CRISP2: variants seen among roughly 807,000 people sequenced by gnomAD.
The protein encoded by CRISP2 is cysteine-rich secretory protein 2.
A neutral mutation model predicts 31.7 loss-of-function variants in CRISP2; 29 were observed. The ratio of observed to expected loss-of-function variants is 0.92; its 90% CI spans 0.68 to 1.25. CRISP2 has a LOEUF of 1.25. Among genes scored for constraint, CRISP2 ranks in the 50% most tolerant of loss-of-function variants. The pLI is 0.00. For missense variants in CRISP2, 318 were observed against 286.5 expected (o/e 1.11, Z -0.79); for synonymous variants, 111 against 101.4 (o/e 1.09, Z -0.57).
chr6:49,701,527 C>T (rs7767611), intron 4 of CRISP2, among the ~76,000 whole-genome samples: 1,596 of 67,850 alleles, frequency 0.024, 39 homozygotes, highest in African/African-American at 0.063. Context: ...TATATATATA[C>T]ACACACACAC....
At chr6:49,697,751 C>T in intron 8 of CRISP2, 109 bp downstream of exon 8, 3 of 1,583,794 alleles carry the variant, frequency 1.9e-6, no homozygotes, top group Non-Finnish European at 2.6e-6. Flanking sequence ...AACGTTTATC[C>T]CCTCCCTTTT....
the CRISP2 span, among the ~76,000 whole-genome samples, chr6:49,681,521 G>A: frequency 1.3e-5 from 2 of 152,098 alleles, no homozygotes; most frequent in African/African-American, 4.8e-5. Flanking sequence ...TGAAACTTTA[G>A]ATTAAATGTG....
intron 4 of CRISP2, among the ~76,000 whole-genome samples, chr6:49,708,264 T>C (rs1306997599): frequency 6.6e-6 from 1 of 152,192 alleles, no homozygotes; most frequent in Non-Finnish European, 1.5e-5. Context: ...TATGCAATTT[T>C]AATTTTTAAG....
rs1767214034 is a variant in CRISP2, at chr6:49,707,246, A to G, written c.66+1885T>C. Among the ~76,000 whole-genome samples, 2 of 152,210 alleles carry G rather than the reference A, an allele frequency of 1.3e-5. 1 individual carries two copies. The highest frequency in any genetic ancestry group is 4.1e-4 in the South Asian group (2 of 4,830). ...TGAATAAGTGACGTGACATAAGTAA[A>G]AATTACAATACACATGATAACAAAA... On this transcript the variant is annotated intron_variant, in intron 4 of 9. Coordinates refer to ENST00000339139, the MANE Select transcript of CRISP2 (RefSeq NM_003296.4).
the CRISP2 span, among the ~76,000 whole-genome samples, chr6:49,677,969 A>C: frequency 6.6e-6 from 1 of 152,060 alleles, no homozygotes; most frequent in Non-Finnish European, 1.5e-5. Context: ...TTAGACTTGC[A>C]ACTCCTACTA....
intron 2 of CRISP2, among the ~76,000 whole-genome samples, chr6:49,711,597 C>G (rs1050219336): frequency 1.3e-5 from 2 of 152,128 alleles, no homozygotes; most frequent in African/African-American, 2.4e-5. Context: ...CTGCATGTGG[C>G]CTTTTTGGAC....
intron 3 of CRISP2, among the ~76,000 whole-genome samples, chr6:49,709,576 G>T (rs1767649546): frequency 6.6e-6 from 1 of 152,140 alleles, no homozygotes; most frequent in Non-Finnish European, 1.5e-5. Context: ...AATTTTTGGA[G>T]GAAAGTTTAT....
At chr6:49,680,872 T>A in the CRISP2 span, among the ~76,000 whole-genome samples, 1 of 152,054 alleles carries the variant, frequency 6.6e-6, no homozygotes. Context: ...AAATTTAAGT[T>A]TCCTGTAGAT....
chr6:49,685,431 T>C, the CRISP2 span, among the ~76,000 whole-genome samples: 1 of 152,336 alleles, frequency 6.6e-6, no homozygotes, highest in African/African-American at 2.4e-5. Flanking sequence ...CTGACAGCTC[T>C]GTTTATCTTT....
At chr6:49,682,585 CTTTT>C in the CRISP2 span, among the ~76,000 whole-genome samples, 3 of 67,334 alleles carry the variant, frequency 4.5e-5, no homozygotes, top group African/African-American at 6.1e-5. Flanking sequence ...TTCTTTCTTT[CTTTT>C]TCTTTCTTTC....
At chr6:49,691,470 T>G (rs1764051481), downstream of CRISP2, among the ~76,000 whole-genome samples, 1 of 152,094 alleles carries the variant, frequency 6.6e-6, no homozygotes, top group Non-Finnish European at 1.5e-5. Context: ...TTTTGATTTA[T>G]TCTTGTAATT....
chr6:49,690,317 C>T (rs1000420013), downstream of CRISP2, among the ~76,000 whole-genome samples: 2 of 152,000 alleles, frequency 1.3e-5, no homozygotes, highest in Non-Finnish European at 2.9e-5. Flanking sequence ...AGAGAAAGCA[C>T]GTTTTCATGA....
the CRISP2 span, among the ~76,000 whole-genome samples, chr6:49,685,148 G>A: frequency 3.3e-5 from 5 of 152,264 alleles, no homozygotes; most frequent in East Asian, 9.7e-4. Context: ...GGCCACCAAT[G>A]CTGCAGTGAT....
chr6:49,685,898 A>G, the CRISP2 span, among the ~76,000 whole-genome samples: 5 of 152,138 alleles, frequency 3.3e-5, no homozygotes, highest in African/African-American at 9.7e-5. Context: ...ATAATTCACA[A>G]GCTGAAACTA....
chr6:49,708,046 T>C (rs558317612), intron 4 of CRISP2, among the ~76,000 whole-genome samples: 1 of 152,262 alleles, frequency 6.6e-6, no homozygotes, highest in South Asian at 2.1e-4. Flanking sequence ...ATTATTCTTA[T>C]ACCCTAACTA....
rs186776873 is a variant in CRISP2, at chr6:49,706,982, T to A, written c.66+2149A>T. ...AATCACATCAAAGCATAAAATAACATCCCTGGATATTTTCTCTCGACCTAA... is the reference window on the plus strand; with the variant it reads ...AATCACATCAAAGCATAAAATAACAACCCTGGATATTTTCTCTCGACCTAA... On this transcript the variant is annotated intron_variant, in intron 4 of 9. Transcript: ENST00000339139. Among the ~76,000 whole-genome samples, 19 of 152,206 alleles carry A rather than the reference T, an allele frequency of 1.2e-4. No homozygotes were observed. The East Asian group carries it at 3.5e-3, about 28-fold the overall frequency.
At chr6:49,681,950 C>T in the CRISP2 span, among the ~76,000 whole-genome samples, 1 of 152,022 alleles carries the variant, frequency 6.6e-6, no homozygotes, top group African/African-American at 2.4e-5. Context: ...TTTTTAATAT[C>T]CCCCAAGCAT....
chr6:49,699,981 T>G, intron 5 of CRISP2, 90 bp from the exon 6 acceptor site: 2 of 1,145,204 alleles, frequency 1.7e-6, no homozygotes, highest in Non-Finnish European at 2.6e-6. Context: ...ACTTTAAAAT[T>G]TCTGTAGATG....
chr6:49,691,586 T>C (rs1425666013), downstream of CRISP2, among the ~76,000 whole-genome samples: 1 of 151,934 alleles, frequency 6.6e-6, no homozygotes, highest in Non-Finnish European at 1.5e-5. Flanking sequence ...TAGCGATAGA[T>C]CTCTCTCTAT....
Sources: gnomAD v4.1 joint callset for allele counts (sites outside exome capture counted in the v4.1 genomes callset) on GRCh38, gnomAD v4.1.1 for gene constraint, MANE v1.5 for transcripts, NCBI Gene and HGNC (gene_info 2026-07-23, HGNC 2026-07-21) for gene names.